Variants in PREP observed in about 807,000 individuals in gnomAD.
The protein encoded by PREP is dJ355L5.1 (prolyl endopeptidase).
PREP carries 29 observed loss-of-function variants against 87.6 expected under a neutral mutation model. That is an observed-to-expected ratio of 0.33 (90% CI 0.25 to 0.45). The LOEUF is 0.45. Ranked by LOEUF, PREP falls within the 20% of genes least tolerant of loss-of-function variation. The pLI, the probability that PREP is intolerant of heterozygous loss-of-function variation, is 1.00. For missense variants in PREP, 695 were observed against 886.5 expected (o/e 0.78, Z 2.74); for synonymous variants, 337 against 328.6 (o/e 1.03, Z -0.28).
intron 10 of PREP, among the ~76,000 whole-genome samples, chr6:105,300,863 G>T (rs1242657408): frequency 6.6e-6 from 1 of 152,126 alleles, no homozygotes; most frequent in Non-Finnish European, 1.5e-5. Flanking sequence ...AAAGAAAAAA[G>T]AGAAGTAAAT....
chr6:105,281,832 C>T lies in PREP; in HGVS notation c.1752G>A (p.Leu584=), dbSNP rs772806356. The T allele has an allele frequency of 1.9e-6, 3 of 1,614,082 alleles. No homozygotes were observed. Among genetic ancestry groups the T allele is most frequent in the African/African-American group, 2.7e-5 (2 of 74,924 alleles). The change falls in exon 14 of 15, where the codon CTG becomes CTA. Residue 584 remains leucine (L), a synonymous_variant. Transcript: ENST00000652536. ...VIAQVGVMDM[L]KFHKYTIGHA... Reference sequence around the variant, plus strand: ...GGCCGATGGTATATTTATGAAACTTCAGCATGTCCATTACTCCAACTTGGG... The same window carrying T: ...GGCCGATGGTATATTTATGAAACTTTAGCATGTCCATTACTCCAACTTGGG...
At chr6:105,288,002 C>T (rs1770221249) in intron 11 of PREP, among the ~76,000 whole-genome samples, 1 of 152,138 alleles carries the variant, frequency 6.6e-6, no homozygotes, top group South Asian at 2.1e-4. Context: ...ACAGAGTATA[C>T]AGAAAACATT....
intron 10 of PREP, among the ~76,000 whole-genome samples, chr6:105,295,459 C>T (rs778875623): frequency 6.6e-6 from 1 of 152,010 alleles, no homozygotes; most frequent in African/African-American, 2.4e-5. Flanking sequence ...TATGTATCAC[C>T]CTGTCTGCCT....
At position 105,277,982 on chromosome 6, in the gene PREP, C is replaced by T; in HGVS notation, c.*162G>A. On this transcript the variant is annotated 3_prime_UTR_variant, in exon 15 of 15. Coordinates refer to ENST00000652536, the MANE Select transcript of PREP (RefSeq NM_002726.5). ...CAAGGCCTTGCTAAAAAGGAGAAGC[C>T]TAAAAAAGATAAAATTCCCACGGCA... The T allele has an allele frequency of 5.8e-6, 6 of 1,026,308 alleles. No homozygotes were observed. The highest frequency in any genetic ancestry group is 8.5e-6 in the Non-Finnish European group (6 of 704,000). The allele number at this position is 1,026,308 out of a possible 1,614,324, so 63.6% of individuals were successfully genotyped here. A position where few individuals can be genotyped will look rare whatever the true frequency, so the allele number is the denominator to read the frequency against.
chr6:105,333,563 T>C, intron 7 of PREP, 58 bp from the exon 8 acceptor site: 1 of 1,546,004 alleles, frequency 6.5e-7, no homozygotes, highest in Non-Finnish European at 8.9e-7. Context: ...GGTGTTGCTT[T>C]GTGTGTAGGG....
At position 105,352,957 on chromosome 6, in the gene PREP, G is replaced by GA. The variant is rs754251619; in HGVS notation, c.823+14dup. 30 of 1,595,586 alleles carry GA rather than the reference G, an allele frequency of 1.9e-5. No homozygotes were observed. The highest frequency in any genetic ancestry group is 1.7e-4 in the Middle Eastern group (1 of 6,052). ...TTTCTTGGAATAACTATCTGTGTCT[G>GA]AAAAAATAACTCACCCGCGATGCCA... On this transcript the variant is annotated intron_variant, in intron 7 of 14. Transcript: ENST00000652536.
chr6:105,316,121 C>CTTTTGGCTTA (rs1770862509), intron 10 of PREP, among the ~76,000 whole-genome samples: 1 of 152,182 alleles, frequency 6.6e-6, no homozygotes, highest in Non-Finnish European at 1.5e-5. Flanking sequence ...GCACCTATAG[C>CTTTTGGCTTA]TTTTGGCTTA....
intron 7 of PREP, among the ~76,000 whole-genome samples, chr6:105,340,683 AG>A (rs1229426336): frequency 1.3e-5 from 2 of 152,244 alleles, no homozygotes; most frequent in Non-Finnish European, 2.9e-5. Context: ...CTGAAAATAA[AG>A]GGATGGAGGA....
At chr6:105,367,952 T>C (rs1772434476) in intron 6 of PREP, among the ~76,000 whole-genome samples, 2 of 152,174 alleles carry the variant, frequency 1.3e-5, no homozygotes, top group African/African-American at 2.4e-5. Flanking sequence ...AGCAGTTTTT[T>C]TTACTAACCC....
chr6:105,339,744 CA>C (rs1368127287), intron 7 of PREP, among the ~76,000 whole-genome samples: 1 of 152,076 alleles, frequency 6.6e-6, no homozygotes, highest in Non-Finnish European at 1.5e-5. Context: ...GATGCATGCA[CA>C]AGCTTCAGTA....
rs570041459 is a variant in PREP, at chr6:105,401,126, G to A, written c.45+1721C>T. Among the ~76,000 whole-genome samples, 73 of 152,282 alleles carry A rather than the reference G, an allele frequency of 4.8e-4. No homozygotes were observed. The South Asian group carries it at 7.5e-3, about 16-fold the overall frequency. ...ATTAAAATCCACAGTATACCCTTCC[G>A]AGTTGTTTATAATCTTTTAGACGTC... On this transcript the variant is annotated intron_variant, in intron 1 of 14. Transcript: ENST00000652536.
At chr6:105,329,422 A>C (rs1222602848) in intron 8 of PREP, among the ~76,000 whole-genome samples, 1 of 152,168 alleles carries the variant, frequency 6.6e-6, no homozygotes, top group African/African-American at 2.4e-5. Flanking sequence ...CAAAACTGTT[A>C]AGATTACAGG....
chr6:105,372,201 T>C (rs1256616415), intron 5 of PREP, among the ~76,000 whole-genome samples: 4 of 150,912 alleles, frequency 2.7e-5, no homozygotes, highest in Admixed American at 6.6e-5. Flanking sequence ...TCAATTCAAT[T>C]GTGGGGGAAA....
intron 10 of PREP, among the ~76,000 whole-genome samples, chr6:105,308,969 T>C (rs756478310): frequency 6.1e-5 from 9 of 148,410 alleles, no homozygotes; most frequent in Non-Finnish European, 1.0e-4. Context: ...TGACTCTGTA[T>C]AGTAGAGGAT....
chr6:105,333,404 G>A lies in PREP; in HGVS notation c.925C>T (p.Pro309Ser). ...TCAATGTTGATCACGCGATAGTTGG[G>A]AGACTGGCGATTCGTCTTGAATGTG... is the stretch of plus-strand genomic sequence containing the variant. ...VFTFKTNRQSPNYRVINIDFR... is the reference protein window; with the variant it reads ...VFTFKTNRQSSNYRVINIDFR... Residue 309 changes from proline to serine, a missense_variant, in exon 8 of 15, where the codon CCC (proline) becomes TCC (serine). By Grantham distance (74) the Pro-to-Ser change is moderately conservative. Coordinates refer to ENST00000652536, the MANE Select transcript of PREP (RefSeq NM_002726.5). 6.2e-7 allele frequency: 1 copy of A among 1,614,132 alleles called. No individual in the cohort carries two copies. The highest frequency in any genetic ancestry group is 8.5e-7 in the Non-Finnish European group (1 of 1,180,016).
intron 10 of PREP, among the ~76,000 whole-genome samples, chr6:105,321,934 C>T (rs904610398): frequency 6.6e-6 from 1 of 152,160 alleles, no homozygotes; most frequent in Non-Finnish European, 1.5e-5. Context: ...GAGGAGAGAA[C>T]ACTTGCTGGG....
chr6:105,291,047 T>C (rs1333963138), intron 10 of PREP, among the ~76,000 whole-genome samples: 1 of 152,236 alleles, frequency 6.6e-6, no homozygotes, highest in Non-Finnish European at 1.5e-5. Flanking sequence ...ATGATTACAC[T>C]AGACTGTAGT....
intron 10 of PREP, among the ~76,000 whole-genome samples, chr6:105,299,555 C>T (rs554143092): frequency 1.3e-5 from 2 of 152,174 alleles, no homozygotes; most frequent in Middle Eastern, 3.4e-3. Context: ...GCCGAGATTG[C>T]GTCATTACAC....
At position 105,285,587 on chromosome 6, in the gene PREP, A is replaced by C; in HGVS notation, c.1455-7T>G. On this transcript the variant is annotated splice_region_variant and splice_polypyrimidine_tract_variant and intron_variant, in intron 11 of 14. Transcript: ENST00000652536. Reference sequence around the variant, plus strand: ...AAAAATAAGCCTGGAAACACTGAGAAGCAGTAAAAACAGTTAACCTTCCAT... The same window carrying C: ...AAAAATAAGCCTGGAAACACTGAGACGCAGTAAAAACAGTTAACCTTCCAT... 6.2e-7 allele frequency: 1 copy of C among 1,610,622 alleles called. No individual in the cohort carries two copies.
Sources: gnomAD v4.1 joint callset for allele counts (sites outside exome capture counted in the v4.1 genomes callset) on GRCh38, gnomAD v4.1.1 for gene constraint, MANE v1.5 for transcripts, NCBI Gene and HGNC (gene_info 2026-07-23, HGNC 2026-07-21) for gene names.